The following SPON1 variants were observed in gnomAD, a reference collection of about 807,000 sequenced individuals.
The protein encoded by SPON1 is spondin-1.
A neutral mutation model predicts 111.7 loss-of-function variants in SPON1; 52 were observed. That is an observed-to-expected ratio of 0.47 (90% confidence interval 0.37 to 0.59). The LOEUF is 0.59. Ranked by LOEUF, SPON1 falls within the 20% of genes least tolerant of loss-of-function variation. The pLI, the probability that SPON1 is intolerant of heterozygous loss-of-function variation, is 0.00. For missense variants in SPON1, 957 were observed against 1,068.5 expected, an observed-to-expected ratio of 0.90 and a Z score of 1.46; for synonymous variants, 410 against 395.8, an observed-to-expected ratio of 1.04 and a Z score of -0.43.
At chr11:14,046,347 C>T (rs1406355) in intron 3 of SPON1, among the ~76,000 whole-genome samples, 60,480 of 151,982 alleles carry the variant, frequency 0.4, 13,112 homozygotes, top group South Asian at 0.57. Flanking sequence ...ATAATCTTTA[C>T]GGAGTATTCT....
At chr11:14,064,081 T>C (rs1554920143) in intron 3 of SPON1, among the ~76,000 whole-genome samples, 1 of 152,114 alleles carries the variant, frequency 6.6e-6, no homozygotes, top group Non-Finnish European at 1.5e-5. Flanking sequence ...GGAAAGTCAG[T>C]GTATTGAAAA....
Position 13,962,837 on chromosome 11 carries a change from G to A in SPON1, c.-68G>A, listed in dbSNP as rs1182138027. 4.4e-6 allele frequency: 6 copies of A among 1,355,442 alleles called. No individual in the cohort carries two copies. The South Asian group carries it at 8.1e-5, about 18-fold the overall frequency. 84.0% of individuals were successfully genotyped at this position (1,355,442 alleles called of 1,614,324 possible). A position where few individuals can be genotyped will look rare whatever the true frequency, so the allele number is the denominator to read the frequency against. ...CCTCCGCCAGGTCGCGCCTTCGTCG[G>A]GACCACTTCGGGCAGGAGTCGCGTG... On this transcript the variant is annotated 5_prime_UTR_variant, in exon 1 of 16. Coordinates refer to ENST00000576479, the MANE Select transcript of SPON1 (RefSeq NM_006108.4).
At chr11:14,260,245 G>A (rs1034496656) in intron 13 of SPON1, among the ~76,000 whole-genome samples, 1 of 152,180 alleles carries the variant, frequency 6.6e-6, no homozygotes, top group Non-Finnish European at 1.5e-5. Flanking sequence ...CTCTCCTTTA[G>A]TGCCTGATTC....
Position 14,077,809 on chromosome 11 carries a change from T to C in SPON1, c.554-2090T>C, listed in dbSNP as rs116053010. Among the ~76,000 whole-genome samples the C allele has an allele frequency of 5.3e-3, 779 of 145,698 alleles. 2 individuals are homozygous for C. The highest frequency in any genetic ancestry group is 0.019 in the African/African-American group (748 of 39,354). ...CCTGCATACACATACTTTAATACCA[T>C]GTCACAAGCAATTAAATGAAAGAGA... On this transcript the variant is annotated intron_variant, in intron 4 of 15. Coordinates refer to ENST00000576479, the MANE Select transcript of SPON1 (RefSeq NM_006108.4).
intron 5 of SPON1, among the ~76,000 whole-genome samples, chr11:14,119,514 AG>A (rs1849289420): frequency 6.6e-6 from 1 of 152,192 alleles, no homozygotes; most frequent in Non-Finnish European, 1.5e-5. Flanking sequence ...GCTTCAGAGA[AG>A]GCCATGAGTC....
In SPON1 at chr11:14,135,985, T is replaced by TTG. The variant is rs1847587039; in HGVS notation, c.825+417_825+418insTG. 6.6e-6 allele frequency among the ~76,000 whole-genome samples: 1 copy of TTG among 152,188 alleles called. No homozygotes were observed. Among genetic ancestry groups the TTG allele is most frequent in the Non-Finnish European group, 1.5e-5 (1 of 68,044 alleles). ...TGCTTTTTGCAACTATGTCTTGAGG[T>TTG]ACTTGATAAATTAGTCGTTCGTTCA... On this transcript the variant is annotated intron_variant, in intron 6 of 15. Coordinates refer to ENST00000576479, the MANE Select transcript of SPON1 (RefSeq NM_006108.4). The surrounding 1 kb of genome is among the most constrained non-coding windows in gnomAD (Gnocchi z 4.4).
At chr11:14,072,636 T>A (rs550831601) in intron 3 of SPON1, among the ~76,000 whole-genome samples, 8 of 152,150 alleles carry the variant, frequency 5.3e-5, no homozygotes, top group Non-Finnish European at 1.2e-4. Flanking sequence ...AGCCAGGACA[T>A]GTCTGGGGAA....
intron 6 of SPON1, among the ~76,000 whole-genome samples, chr11:14,195,079 A>C (rs1370463620): frequency 6.6e-6 from 1 of 152,170 alleles, no homozygotes. Flanking sequence ...TCGATTTAGC[A>C]CCCTTACCAC....
chr11:14,170,788 G>C (rs1848089390), intron 6 of SPON1, among the ~76,000 whole-genome samples: 1 of 152,186 alleles, frequency 6.6e-6, no homozygotes, highest in African/African-American at 2.4e-5. Context: ...TTATATGCCA[G>C]ATTACGTTTA....
intron 6 of SPON1, among the ~76,000 whole-genome samples, chr11:14,204,304 T>C (rs1203673443): frequency 6.6e-6 from 1 of 152,156 alleles, no homozygotes; most frequent in East Asian, 1.9e-4. Flanking sequence ...ATTTTCTTCT[T>C]TTCTCTTTTT....
chr11:14,181,736 C>G (rs968729625), intron 6 of SPON1, among the ~76,000 whole-genome samples: 3 of 152,254 alleles, frequency 2.0e-5, no homozygotes, highest in African/African-American at 7.2e-5. Context: ...ACCTAGTTGG[C>G]ACAGAGTATG....
At chr11:14,103,080 A>C (rs1554924550) in intron 5 of SPON1, among the ~76,000 whole-genome samples, 1 of 152,134 alleles carries the variant, frequency 6.6e-6, no homozygotes, top group African/African-American at 2.4e-5. Flanking sequence ...GAAAGGCCAA[A>C]TCCTAGGTGG....
chr11:14,050,360 G>A (rs1848699098), intron 3 of SPON1, among the ~76,000 whole-genome samples: 1 of 152,158 alleles, frequency 6.6e-6, no homozygotes, highest in Non-Finnish European at 1.5e-5. Context: ...TCCATTGCCT[G>A]TTTTTGTAAA....
At chr11:13,977,597 T>C (rs1157641537) in intron 1 of SPON1, among the ~76,000 whole-genome samples, 1 of 152,192 alleles carries the variant, frequency 6.6e-6, no homozygotes, top group African/African-American at 2.4e-5. Flanking sequence ...CAGTTTCTGG[T>C]TATATGGTTG....
intron 6 of SPON1, among the ~76,000 whole-genome samples, chr11:14,211,477 G>A (rs903515323): frequency 3.3e-5 from 5 of 152,128 alleles, no homozygotes; most frequent in African/African-American, 4.8e-5. Context: ...AAGGAAATAA[G>A]AGAGGACACA....
intron 6 of SPON1, among the ~76,000 whole-genome samples, chr11:14,231,019 C>T (rs1848796254): frequency 6.6e-6 from 1 of 152,124 alleles, no homozygotes; most frequent in Non-Finnish European, 1.5e-5. Context: ...CACTCTGTTG[C>T]CCAGGCTGGT....
rs112977335 is a variant in SPON1 at position 14,259,702 on chromosome 11, G to A, written c.1831+1G>A. ...GAGAAGTGCATGATGCCAGAGTGCC[G>A]TGAGTGAGAGCGGGGGTGGACTTGG... On this transcript the variant is annotated splice_donor_variant, in intron 13 of 15. Transcript: ENST00000576479. LOFTEE classifies it high-confidence loss of function. This position sits in a 1 kb window ranked among gnomAD's most constrained non-coding sequence, Gnocchi z 5.0. The A allele has an allele frequency of 7.0e-6, 11 of 1,570,100 alleles. No individual in the cohort carries two copies. The highest frequency in any genetic ancestry group is 9.5e-6 in the Non-Finnish European group (11 of 1,157,848).
chr11:14,129,021 A>G (rs1591383227), intron 5 of SPON1, among the ~76,000 whole-genome samples: 1 of 152,212 alleles, frequency 6.6e-6, no homozygotes, highest in Admixed American at 6.5e-5. Flanking sequence ...GGCCCAGAAA[A>G]CCATTTTCCC....
chr11:14,230,265 A>G (rs556923522), intron 6 of SPON1, among the ~76,000 whole-genome samples: 14 of 152,238 alleles, frequency 9.2e-5, no homozygotes, highest in South Asian at 4.2e-4. Context: ...TCATTACTTA[A>G]TAATTTGAAA....
Sources: gnomAD v4.1 joint callset for allele counts (sites outside exome capture counted in the v4.1 genomes callset) on GRCh38, gnomAD v4.1.1 for gene constraint, Gnocchi (gnomAD v3.1) non-coding constraint, MANE v1.5 for transcripts, NCBI Gene and HGNC (gene_info 2026-07-23, HGNC 2026-07-21) for gene names.